The following MPC2 variants were observed in gnomAD, a reference collection of about 807,000 sequenced individuals.
MPC2 encodes the protein brain protein 44.
In MPC2, 19 loss-of-function variants were observed where a neutral mutation model predicts 19.2. That is an observed-to-expected ratio of 0.99 (90% CI 0.69 to 1.45). MPC2 has a LOEUF of 1.45. MPC2 is among the 40% of genes most tolerant of loss of function. The probability of loss-of-function intolerance (pLI) is 0.00; values close to 1 mark genes in which losing one functional copy is unlikely to be tolerated. For synonymous variants in MPC2, 61 were observed against 54.3 expected (o/e 1.12, Z -0.54); for missense variants, 122 against 153.0 (o/e 0.80, Z 1.07).
intron 3 of MPC2, among the ~76,000 whole-genome samples, chr1:167,923,452 CA>C (rs1004383701): frequency 2.6e-5 from 4 of 152,042 alleles, no homozygotes; most frequent in Admixed American, 2.6e-4. Flanking sequence ...TACAAAAAGA[CA>C]AATACATTTT....
chr1:167,922,343 C>T (rs56895755), intron 3 of MPC2, among the ~76,000 whole-genome samples: 86 of 152,008 alleles, frequency 5.7e-4, no homozygotes, highest in African/African-American at 2.0e-3. Context: ...TCAAATAAAC[C>T]CCAAAGCTAT....
chr1:167,936,987 C>G lies in MPC2; in HGVS notation c.-106G>C, dbSNP rs762035265. 84 of 1,610,350 alleles carry G rather than the reference C, an allele frequency of 5.2e-5. No homozygotes were observed. The highest frequency in any genetic ancestry group is 7.0e-5 in the Non-Finnish European group (83 of 1,178,960). ...GTCCCTCGGGCTGGAGGACCCGTCC[C>G]GGCTGCGGAGTCGCTACCTGGGTGA... On this transcript the variant is annotated 5_prime_UTR_variant, in exon 1 of 6. Coordinates refer to ENST00000271373, the MANE Select transcript of MPC2 (RefSeq NM_001143674.4).
At chr1:167,934,358 T>C (rs904255118) in intron 2 of MPC2, among the ~76,000 whole-genome samples, 12 of 152,168 alleles carry the variant, frequency 7.9e-5, no homozygotes, top group African/African-American at 2.7e-4. Context: ...TTCAGTTGAC[T>C]CTGTAAAGCC....
intron 3 of MPC2, among the ~76,000 whole-genome samples, chr1:167,921,611 G>A (rs1670603311): frequency 1.3e-5 from 2 of 151,912 alleles, no homozygotes; most frequent in South Asian, 2.1e-4. Context: ...GCACTCATGC[G>A]TTTTTGCTCC....
Position 167,935,866 on chromosome 1 carries a change from C to T in MPC2, c.-25G>A, listed in dbSNP as rs1671142637. 1.3e-6 allele frequency: 2 copies of T among 1,524,230 alleles called. No homozygotes were observed. Among genetic ancestry groups the T allele is most frequent in the African/African-American group, 2.8e-5 (2 of 72,492 alleles). The allele number at this position is 1,524,230 out of a possible 1,614,324, so 94.4% of individuals were successfully genotyped here. ...TCGCCGCCGAGGGATCGTTGGCAGC[C>T]GGGTGGGAGCGTGGCTGTGTTCTCG... On this transcript the variant is annotated 5_prime_UTR_variant, in exon 2 of 6. Coordinates refer to ENST00000271373, the MANE Select transcript of MPC2 (RefSeq NM_001143674.4).
At chr1:167,920,485 T>G in intron 4 of MPC2, 62 bp downstream of exon 4, 3 of 1,545,716 alleles carry the variant, frequency 1.9e-6, no homozygotes, top group Non-Finnish European at 2.6e-6. Context: ...TAAACTGATA[T>G]AAAAGAAAAC....
At chr1:167,919,623 AAATT>A (rs1670550649) in intron 5 of MPC2, among the ~76,000 whole-genome samples, 1 of 152,214 alleles carries the variant, frequency 6.6e-6, no homozygotes, top group African/African-American at 2.4e-5. Context: ...TTTACATAAG[AAATT>A]AATAAATCAT....
chr1:167,922,457 A>T (rs1670625351), intron 3 of MPC2, among the ~76,000 whole-genome samples: 1 of 152,154 alleles, frequency 6.6e-6, no homozygotes, highest in Non-Finnish European at 1.5e-5. Flanking sequence ...TAATGATTGA[A>T]TACTTCAGCA....
At chr1:167,934,733 A>G (rs1671020968) in intron 2 of MPC2, among the ~76,000 whole-genome samples, 1 of 152,208 alleles carries the variant, frequency 6.6e-6, no homozygotes, top group Non-Finnish European at 1.5e-5. Flanking sequence ...AGGAGAATAA[A>G]AGCCACTTTT....
In MPC2 at chr1:167,917,014, G is replaced by A. The variant is rs1173887206; in HGVS notation, c.*1309C>T. The A allele has an allele frequency of 6.6e-6, 1 of 152,148 alleles. No homozygotes were observed. The highest frequency in any genetic ancestry group is 1.5e-5 in the Non-Finnish European group (1 of 68,038). 9.4% of individuals were successfully genotyped at this position (152,148 alleles called of 1,614,324 possible). A position where few individuals can be genotyped will look rare whatever the true frequency, so the allele number is the denominator to read the frequency against. On this transcript the variant is annotated 3_prime_UTR_variant, in exon 6 of 6. Transcript: ENST00000271373. ...ATTGCTAACTGCCAAATTTTCATAG[G>A]TTATAGTATTACTCAAAAAGTTGTT...
chr1:167,925,456 T>TATATATATATATATACATATAC (rs1670718786), intron 2 of MPC2, among the ~76,000 whole-genome samples: 4 of 111,910 alleles, frequency 3.6e-5, no homozygotes, highest in African/African-American at 1.6e-4. Flanking sequence ...TATATATATA[T>TATATATATATATATACATATAC]ATATATATAT....
rs1670512226 is a variant in MPC2 at position 167,918,197 on chromosome 1, G to C, written c.*126C>G. The C allele has an allele frequency of 1.5e-6, 1 of 662,662 alleles. No homozygotes were observed. Among genetic ancestry groups the C allele is most frequent in the South Asian group, 2.4e-5 (1 of 42,382 alleles). The allele number at this position is 662,662 out of a possible 1,614,324, so 41.0% of individuals were successfully genotyped here. On this transcript the variant is annotated 3_prime_UTR_variant, in exon 6 of 6. Coordinates refer to ENST00000271373, the MANE Select transcript of MPC2 (RefSeq NM_001143674.4). ...TTGCTGCATTTTTCTATTGAATCAA[G>C]AACTAGCTACCAGTTACAGTGCCTT...
In MPC2 at chr1:167,937,006, T is replaced by C; in HGVS notation, c.-125A>G. ...CCGTCCCGGCTGCGGAGTCGCTACC[T>C]GGGTGAGCGGGGGCCCCGGGGCGGA... On this transcript the variant is annotated 5_prime_UTR_variant, in exon 1 of 6. Transcript: ENST00000271373. The C allele has an allele frequency of 6.2e-7, 1 of 1,608,032 alleles. No individual in the cohort carries two copies. The highest frequency in any genetic ancestry group is 8.5e-7 in the Non-Finnish European group (1 of 1,177,954).
At chr1:167,927,820 T>C (rs530441188) in intron 2 of MPC2, among the ~76,000 whole-genome samples, 5 of 152,342 alleles carry the variant, frequency 3.3e-5, no homozygotes, top group East Asian at 1.9e-4. Flanking sequence ...CATCAAATTA[T>C]GGTTGCTAGA....
chr1:167,925,263 T>C (rs997360619), intron 2 of MPC2, among the ~76,000 whole-genome samples: 2 of 151,848 alleles, frequency 1.3e-5, no homozygotes, highest in Admixed American at 6.6e-5. Flanking sequence ...ATCAAGATTA[T>C]GACTTTCTCG....
intron 2 of MPC2, among the ~76,000 whole-genome samples, chr1:167,927,318 A>G (rs1017381642): frequency 6.6e-6 from 1 of 152,208 alleles, no homozygotes; most frequent in African/African-American, 2.4e-5. Flanking sequence ...CATTAATCCT[A>G]TAAGTCAGTC....
chr1:167,933,246 C>T (rs1207186834), intron 2 of MPC2, among the ~76,000 whole-genome samples: 1 of 151,102 alleles, frequency 6.6e-6, no homozygotes, highest in Non-Finnish European at 1.5e-5. Flanking sequence ...TGGCTAACTG[C>T]AACCTCCACC....
intron 2 of MPC2, among the ~76,000 whole-genome samples, chr1:167,933,790 C>T (rs935775914): frequency 6.6e-6 from 1 of 152,170 alleles, no homozygotes; most frequent in Non-Finnish European, 1.5e-5. Flanking sequence ...ACTGGTGTGC[C>T]TCCAACTTGT....
intron 3 of MPC2, among the ~76,000 whole-genome samples, chr1:167,924,043 T>C (rs1571509550): frequency 6.6e-6 from 1 of 152,258 alleles, no homozygotes; most frequent in East Asian, 1.9e-4. Flanking sequence ...TCAGAAGTCC[T>C]AGGTTCTCTC....
Sources: allele counts gnomAD v4.1 joint callset (sites outside exome capture counted in the v4.1 genomes callset), GRCh38; gene constraint gnomAD v4.1.1; transcripts MANE v1.5; gene names NCBI Gene and HGNC (gene_info 2026-07-23, HGNC 2026-07-21).